Variants in CACNA1C observed in about 807,000 individuals in gnomAD.
The protein encoded by CACNA1C is voltage-dependent L-type calcium channel subunit alpha-1C.
CACNA1C carries 30 observed loss-of-function variants against 229.0 expected under a neutral mutation model. The ratio of observed to expected loss-of-function variants is 0.13; its 90% CI spans 0.10 to 0.18. The LOEUF (loss-of-function observed/expected upper bound fraction) is 0.18, where lower values mean the gene tolerates loss of function less well. Among genes scored for constraint, CACNA1C ranks in the 10% least tolerant of loss-of-function variants. The probability of loss-of-function intolerance (pLI) is 1.00; values close to 1 mark genes in which losing one functional copy is unlikely to be tolerated. For missense variants in CACNA1C, 1,658 were observed against 2,845.0 expected (o/e 0.58, Z 9.49); for synonymous variants, 1,114 against 1,132.5 (o/e 0.98, Z 0.33).
At chr12:2,292,896 G>T (rs2154459007) in intron 3 of CACNA1C, among the ~76,000 whole-genome samples, 1 of 152,246 alleles carries the variant, frequency 6.6e-6, no homozygotes, top group South Asian at 2.1e-4. Context: ...CCTGGTTAAA[G>T]GGGCATGCCA....
At chr12:2,264,674 C>T (rs376059436) in intron 3 of CACNA1C, among the ~76,000 whole-genome samples, 2 of 152,178 alleles carry the variant, frequency 1.3e-5, no homozygotes, top group South Asian at 2.1e-4. Flanking sequence ...ATTGGCAGCC[C>T]GGAGGCCAGC....
At chr12:2,274,747 C>T (rs550130070) in intron 3 of CACNA1C, among the ~76,000 whole-genome samples, 11 of 152,290 alleles carry the variant, frequency 7.2e-5, no homozygotes, top group East Asian at 1.9e-4. Flanking sequence ...TGTCTGATTC[C>T]GAAGCTGGGC....
At chr12:2,028,281 T>G (rs1319279267) in intron 1 of CACNA1C, among the ~76,000 whole-genome samples, 1 of 152,222 alleles carries the variant, frequency 6.6e-6, no homozygotes, top group Non-Finnish European at 1.5e-5. Context: ...CTCCCCCATC[T>G]TGAGCCAGAA....
chr12:2,251,441 A>T (rs1019376406), intron 3 of CACNA1C, among the ~76,000 whole-genome samples: 1 of 152,216 alleles, frequency 6.6e-6, no homozygotes, highest in African/African-American at 2.4e-5. Context: ...AGTAGCTTCT[A>T]TGAAATTTCC....
chr12:2,228,888 C>CT (rs756787331), intron 3 of CACNA1C, among the ~76,000 whole-genome samples: 2 of 152,182 alleles, frequency 1.3e-5, no homozygotes, highest in African/African-American at 2.4e-5. Flanking sequence ...ATTAACATCT[C>CT]TAACAGTGAG....
intron 9 of CACNA1C, among the ~76,000 whole-genome samples, chr12:2,518,092 G>C (rs1282247445): frequency 6.6e-6 from 1 of 152,180 alleles, no homozygotes; most frequent in African/African-American, 2.4e-5. Context: ...TGTGACTCGG[G>C]AGCCACTTTT....
At chr12:2,047,639 C>G (rs2051310073) in intron 1 of CACNA1C, among the ~76,000 whole-genome samples, 1 of 152,164 alleles carries the variant, frequency 6.6e-6, no homozygotes, top group South Asian at 2.1e-4. Flanking sequence ...GCACTATTTA[C>G]CCATAAAAAT....
At chr12:2,207,739 AG>A (rs1407074088) in intron 3 of CACNA1C, among the ~76,000 whole-genome samples, 1 of 152,148 alleles carries the variant, frequency 6.6e-6, no homozygotes, top group East Asian at 1.9e-4. Flanking sequence ...ACTTGGGCCC[AG>A]GAAGTTGAGG....
At chr12:2,196,273 G>A (rs1376902965) in intron 3 of CACNA1C, among the ~76,000 whole-genome samples, 1 of 152,172 alleles carries the variant, frequency 6.6e-6, no homozygotes, top group Non-Finnish European at 1.5e-5. Flanking sequence ...TGATTTGCCA[G>A]CTTAGTCTAA....
chr12:2,541,913 C>G (rs1263761756), intron 9 of CACNA1C, among the ~76,000 whole-genome samples: 2 of 152,146 alleles, frequency 1.3e-5, no homozygotes, highest in East Asian at 1.9e-4. Flanking sequence ...TCTGGTGCCA[C>G]TCAGTCAGTC....
rs73603729 is a variant in CACNA1C, at chr12:2,082,507, G to C, written c.49+28896G>C. ...GGCAGTCAGACAACACCCCCCGCAT[G>C]GTGTTGCTAGGAAATGCAGGAGCGA... is the stretch of plus-strand genomic sequence containing the variant. On this transcript the variant is annotated intron_variant, in intron 1 of 46. Coordinates refer to ENST00000399655, the MANE Select transcript of CACNA1C (RefSeq NM_000719.7). 4.8e-3 allele frequency among the ~76,000 whole-genome samples: 726 copies of C among 152,266 alleles called. 4 individuals are homozygous for C. The highest frequency in any genetic ancestry group is 0.015 in the African/African-American group (612 of 41,534).
chr12:2,639,530 A>G lies in CACNA1C; in HGVS notation c.3912+5150A>G, dbSNP rs1176176869. 6.6e-6 allele frequency among the ~76,000 whole-genome samples: 1 copy of G among 152,236 alleles called. No individual in the cohort carries two copies. Among genetic ancestry groups the G allele is most frequent in the Non-Finnish European group, 1.5e-5 (1 of 68,052 alleles). On this transcript the variant is annotated intron_variant, in intron 30 of 46. Transcript: ENST00000399655. The surrounding 1 kb of genome is among the most constrained non-coding windows in gnomAD (Gnocchi z 4.2). ...ATGAAGAAGCCTTGATTATGCTTCC[A>G]GCTCTGGTGACTTAGAGCAATGAAC...
intron 3 of CACNA1C, among the ~76,000 whole-genome samples, chr12:2,150,975 A>G (rs891304432): frequency 2.6e-5 from 4 of 152,140 alleles, no homozygotes; most frequent in Admixed American, 2.6e-4. Context: ...TGGGTCCTGC[A>G]TGCTTTCCTT....
chr12:2,004,614 C>A lies in CACNA1C; in HGVS notation c.139+33413C>A, dbSNP rs560705404. The A allele has an allele frequency of 1.4e-5, 11 of 812,806 alleles. No individual in the cohort carries two copies. In the East Asian group the frequency reaches 3.1e-4, roughly 23 times the overall value. 50.3% of individuals were successfully genotyped at this position (812,806 alleles called of 1,614,324 possible). The stretch of plus-strand genomic sequence containing the variant: ...ACGCAAGGCCTCACTAATCGATGGC[C>A]GCGCCCCGCCCACTGAGGATCGTTG... On this transcript the variant is annotated intron_variant, in intron 1 of 46. Transcript: ENST00000682462.
At chr12:2,224,490 C>T (rs1233924983) in intron 3 of CACNA1C, among the ~76,000 whole-genome samples, 1 of 152,212 alleles carries the variant, frequency 6.6e-6, no homozygotes, top group East Asian at 1.9e-4. Flanking sequence ...CTCCCACATT[C>T]CCAGCCCCTG....
intron 5 of CACNA1C, among the ~76,000 whole-genome samples, chr12:2,474,610 G>A (rs1247445554): frequency 6.6e-6 from 1 of 152,080 alleles, no homozygotes; most frequent in Non-Finnish European, 1.5e-5. Flanking sequence ...CAAAAACTTA[G>A]CCAGACATGG....
At position 2,597,136 on chromosome 12, in the gene CACNA1C, C is replaced by T; in HGVS notation, c.2794-94C>T. 1.3e-6 allele frequency: 1 copy of T among 786,032 alleles called. No homozygotes were observed. The highest frequency in any genetic ancestry group is 2.4e-5 in the East Asian group (1 of 40,874). 48.7% of individuals were successfully genotyped at this position (786,032 alleles called of 1,614,324 possible). ...CCAGGCATCTCATTTTGAAGTGTGG[C>T]CCCTTTTCTGGTGAACATCCACTGA... On this transcript the variant is annotated intron_variant, in intron 20 of 46. Transcript: ENST00000399655. This position sits in a 1 kb window ranked among gnomAD's most constrained non-coding sequence, Gnocchi z 4.3.
chr12:2,054,784 C>T lies in CACNA1C; in HGVS notation c.49+1173C>T, dbSNP rs1275107595. On this transcript the variant is annotated intron_variant, in intron 1 of 46. Transcript: ENST00000399655. The surrounding 1 kb of genome is among the most constrained non-coding windows in gnomAD (Gnocchi z 5.5). ...GAGCCTCCCTGTTTGCACTCTTCCT[C>T]TTCTCTTCCCCTGAAAGCCTATCTG... Among the ~76,000 whole-genome samples, 2 of 152,220 alleles carry T rather than the reference C, an allele frequency of 1.3e-5. No homozygotes were observed. The highest frequency in any genetic ancestry group is 1.3e-4 in the Admixed American group (2 of 15,284).
chr12:2,121,265 G>A (rs1203893198), intron 3 of CACNA1C, among the ~76,000 whole-genome samples: 3 of 152,214 alleles, frequency 2.0e-5, no homozygotes, highest in South Asian at 2.1e-4. Flanking sequence ...TTCCCCTGCC[G>A]TCAGTACCTT....
Sources: gnomAD v4.1 joint callset for allele counts (sites outside exome capture counted in the v4.1 genomes callset) on GRCh38, gnomAD v4.1.1 for gene constraint, Gnocchi (gnomAD v3.1) non-coding constraint, MANE v1.5 for transcripts, NCBI Gene and HGNC (gene_info 2026-07-23, HGNC 2026-07-21) for gene names.